C6orf141: variants seen among roughly 807,000 people sequenced by gnomAD.
C6orf141 encodes the protein chromosome 6 open reading frame 141, also known as uncharacterized protein C6orf141.
For missense variants in C6orf141, 361 were observed against 335.8 expected (o/e 1.07, Z -0.59); for synonymous variants, 164 against 140.5 (o/e 1.17, Z -1.18).
chr6:49,558,059 GT>G (rs71002664), intron 4 of C6orf141, among the ~76,000 whole-genome samples: 4,713 of 97,754 alleles, frequency 0.048, 114 homozygotes, highest in African/African-American at 0.11. Context: ...ACTCAAATAT[GT>G]TTTTTTTTTT....
chr6:49,560,150 C>T (rs1311144515), intron 4 of C6orf141, among the ~76,000 whole-genome samples: 1 of 152,052 alleles, frequency 6.6e-6, no homozygotes, highest in East Asian at 1.9e-4. Context: ...CCTGTCTCTA[C>T]TAAAGATACA....
chr6:49,555,526 T>TTTTTTTTTA (rs1771716693), downstream of C6orf141, among the ~76,000 whole-genome samples: 2 of 150,246 alleles, frequency 1.3e-5, no homozygotes, highest in African/African-American at 4.9e-5. Flanking sequence ...TTTTTTTTTT[T>TTTTTTTTTA]GAGACGGAGC....
At position 49,559,219 on chromosome 6, in the gene C6orf141, T is replaced by C. The variant is rs1219884891; in HGVS notation, c.*764-2485T>C. ...ATATATATATATATATATATATATA[T>C]ATATATATATATATTCAGTCTTTCA... On this transcript the variant is annotated intron_variant and NMD_transcript_variant, in intron 4 of 4. Coordinates refer to the C6orf141 transcript ENST00000371194. 9.7e-5 allele frequency among the ~76,000 whole-genome samples: 7 copies of C among 72,138 alleles called. 1 individual carries two copies. The highest frequency in any genetic ancestry group is 4.4e-4 in the East Asian group (1 of 2,274). 47.3% of individuals were successfully genotyped at this position (72,138 alleles called of 152,430 possible). A position where few individuals can be genotyped will look rare whatever the true frequency, so the allele number is the denominator to read the frequency against.
chr6:49,551,971 AGAAAGTAAAAAGAAATGG>A lies in C6orf141; in HGVS notation c.*455_*472del, dbSNP rs1240849909. ...GAGGCTTGTTTTAAAAGCCAAAAAC[AGAAAGTAAAAAGAAATGG>A]GAAAGTAAAACCAAAGCAGCAAGTG... On this transcript the variant is annotated 3_prime_UTR_variant, in exon 1 of 1. Transcript: ENST00000529246. The A allele has an allele frequency of 7.9e-6, 8 of 1,009,258 alleles. No homozygotes were observed. In the East Asian group the frequency reaches 6.7e-4, roughly 84 times the overall value. 62.5% of individuals were successfully genotyped at this position (1,009,258 alleles called of 1,614,324 possible).
In C6orf141 at chr6:49,551,863, C is replaced by G. The variant is rs1471068991; in HGVS notation, c.*336C>G. 1.2e-5 allele frequency: 14 copies of G among 1,150,604 alleles called. No homozygotes were observed. The East Asian group carries it at 2.1e-4, about 17-fold the overall frequency. The allele number at this position is 1,150,604 out of a possible 1,614,324, so 71.3% of individuals were successfully genotyped here. A position where few individuals can be genotyped will look rare whatever the true frequency, so the allele number is the denominator to read the frequency against. ...TGATCTCTTTTCTGTTCCCCGCCCC[C>G]CTCTTGTTTCTCTTTAGGACCTAGA... On this transcript the variant is annotated 3_prime_UTR_variant, in exon 1 of 1. Coordinates refer to ENST00000529246, the MANE Select transcript of C6orf141 (RefSeq NM_001145652.2).
chr6:49,554,392 TG>T (rs1419877498), downstream of C6orf141, among the ~76,000 whole-genome samples: 14 of 152,250 alleles, frequency 9.2e-5, no homozygotes, highest in Non-Finnish European at 1.3e-4. Flanking sequence ...AATTTTGTTT[TG>T]TTTTTGAGAC....
chr6:49,550,990 G>C lies in C6orf141; in HGVS notation c.198G>C (p.Thr66=), dbSNP rs897056314. The C allele has an allele frequency of 6.4e-6, 10 of 1,550,950 alleles. No individual in the cohort carries two copies. In the African/African-American group the frequency reaches 1.4e-4, roughly 21 times the overall value. ...RSQGGGHEDR[T]ADRALGPRAG... is the part of the protein sequence containing the mutation. ...AGGGCGGCGGCCACGAGGACAGAAC[G>C]GCAGATCGGGCCCTCGGACCTCGGG... is the stretch of plus-strand genomic sequence containing the variant. Residue 66 remains threonine (T), a synonymous_variant, in exon 1 of 1, where the codon ACG becomes ACC. Transcript: ENST00000529246.
intron 4 of C6orf141, among the ~76,000 whole-genome samples, chr6:49,561,393 C>T (rs957353446): frequency 4.6e-5 from 7 of 152,180 alleles, no homozygotes; most frequent in Non-Finnish European, 1.0e-4. Context: ...GCCACCGCGC[C>T]TGGCCAGGTT....
rs1231434770 is a variant in C6orf141, at chr6:49,550,829, C to T, written c.37C>T (p.Pro13Ser). ...TTTTGCCAGGATGGAGACCCGGGGG[C>T]CTCAGGGAGCTGCGAATCCCATGGA... ...DPFARMETRG[P>S]QGAANPMDSS... The change falls in exon 1 of 1, where the codon CCT becomes TCT. Residue 13 changes from proline to serine, a missense_variant. Physicochemically the swap from Pro to Ser is moderately conservative, Grantham distance 74. Coordinates refer to ENST00000529246, the MANE Select transcript of C6orf141 (RefSeq NM_001145652.2). 1.9e-5 allele frequency: 28 copies of T among 1,478,388 alleles called. No individual in the cohort carries two copies. The highest frequency in any genetic ancestry group is 2.8e-5 in the Admixed American group (1 of 35,816). 91.6% of individuals were successfully genotyped at this position (1,478,388 alleles called of 1,614,324 possible).
Position 49,551,027 on chromosome 6 carries a change from T to A in C6orf141, c.235T>A (p.Leu79Met). ...CCTCGGACCTCGGGCCGGGGAGGAATTGGACCGTGAGTCCTGGGTCAGAGA... is the reference window on the plus strand; with the variant it reads ...CCTCGGACCTCGGGCCGGGGAGGAAATGGACCGTGAGTCCTGGGTCAGAGA... The part of the protein sequence containing the change: ...RALGPRAGEE[L>M]DRESWVREKV... The change falls in exon 1 of 1, where the codon TTG (leucine) becomes ATG (methionine). Residue 79 changes from leucine to methionine, a missense_variant. Transcript: ENST00000529246. 6.4e-7 allele frequency: 1 copy of A among 1,551,160 alleles called. No individual in the cohort carries two copies. Among genetic ancestry groups the A allele is most frequent in the East Asian group, 2.4e-5 (1 of 40,820 alleles).
At chr6:49,554,795 T>A (rs1771477910), downstream of C6orf141, 1 of 152,206 alleles carries the variant, frequency 6.6e-6, no homozygotes. Flanking sequence ...AGAACATGTT[T>A]ATAGATTTCA....
chr6:49,550,715 A>G lies in C6orf141; in HGVS notation c.-78A>G. The G allele has an allele frequency of 2.4e-6, 3 of 1,274,018 alleles. No homozygotes were observed. Among genetic ancestry groups the G allele is most frequent in the South Asian group, 3.5e-5 (2 of 57,370 alleles). 78.9% of individuals were successfully genotyped at this position (1,274,018 alleles called of 1,614,324 possible). A position where few individuals can be genotyped will look rare whatever the true frequency, so the allele number is the denominator to read the frequency against. ...GGAGTCCGGAGCTGCAGCAGAGGCC[A>G]CACCCAGGGCTTGGTGGTCCCGCGC... is the stretch of plus-strand genomic sequence containing the variant. On this transcript the variant is annotated 5_prime_UTR_variant, in exon 1 of 1. Coordinates refer to ENST00000529246, the MANE Select transcript of C6orf141 (RefSeq NM_001145652.2).
downstream of C6orf141, chr6:49,552,951 GAC>G (rs1222343703): frequency 6.6e-6 from 1 of 151,984 alleles, no homozygotes. Flanking sequence ...TTTTTTTTGA[GAC>G]AGAGTTTCTC....
rs2127267131 is a variant in C6orf141, at chr6:49,551,622, GA to G, written c.*97del. 1 of 1,506,366 alleles carries G rather than the reference GA, an allele frequency of 6.6e-7. No individual in the cohort carries two copies. Among genetic ancestry groups the G allele is most frequent in the Admixed American group, 2.5e-5 (1 of 39,620 alleles). The allele number at this position is 1,506,366 out of a possible 1,614,324, so 93.3% of individuals were successfully genotyped here. A position where few individuals can be genotyped will look rare whatever the true frequency, so the allele number is the denominator to read the frequency against. On this transcript the variant is annotated 3_prime_UTR_variant, in exon 1 of 1. Coordinates refer to ENST00000529246, the MANE Select transcript of C6orf141 (RefSeq NM_001145652.2). Reference sequence around the variant, plus strand: ...AGCTCCAACCTGCAATTAACCTACAGAAGGAACCTTTTGAGAGGCTGGTGCA... The same window carrying G: ...AGCTCCAACCTGCAATTAACCTACAGAGGAACCTTTTGAGAGGCTGGTGCA...
At chr6:49,558,717 G>C (rs181156463) in intron 4 of C6orf141, among the ~76,000 whole-genome samples, 5 of 151,648 alleles carry the variant, frequency 3.3e-5, no homozygotes, top group South Asian at 4.2e-4. Flanking sequence ...TTTTTTTTGG[G>C]GGGGGTGCGG....
At chr6:49,554,608 C>T (rs1581901343), downstream of C6orf141, among the ~76,000 whole-genome samples, 1 of 152,190 alleles carries the variant, frequency 6.6e-6, no homozygotes, top group East Asian at 1.9e-4. Context: ...ATCTCGATCT[C>T]CTTGACCTTG....
rs1197121256 is a variant in C6orf141 at position 49,551,310 on chromosome 6, A to G, written c.518A>G (p.Gln173Arg). ...TATCAGGTAACACAAGAAGTGTTGC[A>G]GACCTCCTGGGCCAAGGGTCGCATG... ...EDYQVTQEVL[Q>R]TSWAKGRMTT... is the part of the protein sequence containing the mutation. The change falls in exon 1 of 1, where the codon CAG becomes CGG. Residue 173 changes from glutamine to arginine, a missense_variant. Coordinates refer to ENST00000529246, the MANE Select transcript of C6orf141 (RefSeq NM_001145652.2). 29 of 1,551,618 alleles carry G rather than the reference A, an allele frequency of 1.9e-5. No individual in the cohort carries two copies. The highest frequency in any genetic ancestry group is 2.5e-5 in the Non-Finnish European group (29 of 1,147,014).
At chr6:49,560,329 G>T (rs6899816) in intron 4 of C6orf141, among the ~76,000 whole-genome samples, 116,050 of 151,842 alleles carry the variant, frequency 0.76, 46,126 homozygotes, top group East Asian at 0.91. Flanking sequence ...AAAAAGAAAA[G>T]AAAGAGATTG....
At position 49,551,450 on chromosome 6, in the gene C6orf141, G is replaced by A. The variant is rs1367210400; in HGVS notation, c.658G>A (p.Gly220Arg). ...AESRALQART[G>R]ASRVHAAGRR... ...ATCCCGGGCTCTCCAGGCACGAACA[G>A]GGGCATCCCGCGTCCACGCCGCGGG... Residue 220 changes from glycine to arginine, a missense_variant, in exon 1 of 1, where the codon GGG (glycine) becomes AGG (arginine). Physicochemically the swap from Gly to Arg is moderately radical, Grantham distance 125. Coordinates refer to ENST00000529246, the MANE Select transcript of C6orf141 (RefSeq NM_001145652.2). 6.4e-6 allele frequency: 10 copies of A among 1,551,408 alleles called. No individual in the cohort carries two copies. The highest frequency in any genetic ancestry group is 7.8e-6 in the Non-Finnish European group (9 of 1,146,960).
Sources: gnomAD v4.1 joint callset for allele counts (sites outside exome capture counted in the v4.1 genomes callset) on GRCh38, gnomAD v4.1.1 for gene constraint, MANE v1.5 for transcripts, NCBI Gene and HGNC (gene_info 2026-07-23, HGNC 2026-07-21) for gene names.